HECW1: variants seen among roughly 807,000 people sequenced by gnomAD.
HECW1 encodes HECT, C2 and WW domain containing E3 ubiquitin protein ligase 1.
A neutral mutation model predicts 182.3 loss-of-function variants in HECW1; 61 were observed. That is an observed-to-expected ratio of 0.33 (90% CI 0.27 to 0.41). The LOEUF is 0.41. Ranked by LOEUF, HECW1 falls within the 10% of genes least tolerant of loss-of-function variation. The pLI, the probability that HECW1 is intolerant of heterozygous loss-of-function variation, is 1.00. For missense variants in HECW1, 1,739 were observed against 2,108.9 expected, an observed-to-expected ratio of 0.82 and a Z score of 3.44; for synonymous variants, 859 against 832.6, an observed-to-expected ratio of 1.03 and a Z score of -0.55.
At chr7:43,319,393 C>CAAAAAAAAA (rs529109893) in intron 4 of HECW1, among the ~76,000 whole-genome samples, 7 of 67,696 alleles carry the variant, frequency 1.0e-4, no homozygotes, top group African/African-American at 2.9e-4. Context: ...GACTCCGTCT[C>CAAAAAAAAA]AAAAAAAAAA....
intron 13 of HECW1, among the ~76,000 whole-genome samples, chr7:43,457,544 G>A (rs1340263010): frequency 4.6e-5 from 7 of 152,096 alleles, no homozygotes; most frequent in African/African-American, 1.2e-4. Context: ...AGGCTGAGGC[G>A]GGTGGATCAT....
chr7:43,468,438 C>T (rs751186240), intron 15 of HECW1, among the ~76,000 whole-genome samples: 1 of 151,970 alleles, frequency 6.6e-6, no homozygotes, highest in Admixed American at 6.5e-5. Flanking sequence ...AGAGGTGGGC[C>T]GTGTCCCAAG....
At chr7:43,170,029 G>A (rs1045078512) in intron 2 of HECW1, among the ~76,000 whole-genome samples, 3 of 152,152 alleles carry the variant, frequency 2.0e-5, no homozygotes, top group South Asian at 2.1e-4. Context: ...CCCAACCCCC[G>A]GGCCATGGGG....
At chr7:43,312,607 T>C (rs995238633) in intron 4 of HECW1, among the ~76,000 whole-genome samples, 1 of 152,220 alleles carries the variant, frequency 6.6e-6, no homozygotes, top group Non-Finnish European at 1.5e-5. Flanking sequence ...TAGGTGGAGA[T>C]TTATTCAAAA....
chr7:43,146,041 G>A (rs780706096), intron 2 of HECW1, among the ~76,000 whole-genome samples: 6 of 152,270 alleles, frequency 3.9e-5, no homozygotes, highest in East Asian at 1.9e-4. Flanking sequence ...CCACTACCCC[G>A]TGTCTCCTCT....
rs527478274 is a variant in HECW1, at chr7:43,533,068, G to A, written c.4020-8095G>A. Among the ~76,000 whole-genome samples, 34 of 152,176 alleles carry A rather than the reference G, an allele frequency of 2.2e-4. No homozygotes were observed. In the East Asian group the frequency reaches 2.7e-3, roughly 12 times the overall value. On this transcript the variant is annotated intron_variant, in intron 24 of 29. Transcript: ENST00000395891. ...TGATTTTGCACCATCACTCTCCACC[G>A]CCAGTGGACACTGGCAATGTCAGGA...
intron 2 of HECW1, among the ~76,000 whole-genome samples, chr7:43,200,154 T>C (rs371557446): frequency 1.1e-3 from 161 of 152,348 alleles, no homozygotes; most frequent in Non-Finnish European, 2.0e-3. Context: ...CGGATTTGAT[T>C]GGCCCAAATT....
At chr7:43,520,844 A>G (rs761926258) in intron 24 of HECW1, among the ~76,000 whole-genome samples, 1 of 152,022 alleles carries the variant, frequency 6.6e-6, no homozygotes, top group Non-Finnish European at 1.5e-5. Flanking sequence ...GCTCTAATCT[A>G]CTGTCTGCGT....
chr7:43,308,077 A>ATT (rs1554349859), intron 3 of HECW1, among the ~76,000 whole-genome samples: 1 of 107,812 alleles, frequency 9.3e-6, no homozygotes, highest in African/African-American at 3.9e-5. Context: ...ATATAAATAT[A>ATT]ATATATTATA....
chr7:43,361,389 TAATG>T (rs1292515927), intron 6 of HECW1, among the ~76,000 whole-genome samples: 1 of 152,194 alleles, frequency 6.6e-6, no homozygotes. Context: ...GTAAATAAAT[TAATG>T]GAGTAGGATT....
At chr7:43,437,922 C>T (rs778132735) in intron 8 of HECW1, 81 bp from the exon 9 acceptor site, 22 of 1,398,112 alleles carry the variant, frequency 1.6e-5, no homozygotes, top group Non-Finnish European at 2.0e-5. Flanking sequence ...TTTACAGTGA[C>T]AGCATCAAGG....
chr7:43,258,367 A>AAAAAAAAT (rs1427834729), intron 3 of HECW1, among the ~76,000 whole-genome samples: 71 of 63,452 alleles, frequency 1.1e-3, no homozygotes, highest in Non-Finnish European at 1.4e-3. Context: ...TAAAAAAAAT[A>AAAAAAAAT]AAAAAATAAA....
At chr7:43,271,099 A>G (rs912364153) in intron 3 of HECW1, among the ~76,000 whole-genome samples, 1 of 152,230 alleles carries the variant, frequency 6.6e-6, no homozygotes, top group African/African-American at 2.4e-5. Context: ...AATTTGATGT[A>G]CATGTGTTGT....
chr7:43,431,356 C>T (rs960951251), intron 8 of HECW1, among the ~76,000 whole-genome samples: 2 of 152,182 alleles, frequency 1.3e-5, no homozygotes, highest in African/African-American at 2.4e-5. Flanking sequence ...TCTCTGCATT[C>T]CTAGCTATGT....
intron 3 of HECW1, among the ~76,000 whole-genome samples, chr7:43,263,742 CA>C (rs1801440113): frequency 6.6e-6 from 1 of 151,290 alleles, no homozygotes; most frequent in African/African-American, 2.4e-5. Context: ...GGGAAGGAGA[CA>C]AAAGGAAGGG....
At chr7:43,219,104 T>A (rs1040731066) in intron 2 of HECW1, among the ~76,000 whole-genome samples, 2 of 152,150 alleles carry the variant, frequency 1.3e-5, no homozygotes, top group African/African-American at 4.8e-5. Flanking sequence ...CACTCTAGCC[T>A]TTTAGTATGC....
intron 9 of HECW1, 185 bp downstream of exon 9, chr7:43,438,330 C>A: frequency 2.0e-6 from 1 of 494,624 alleles, no homozygotes; most frequent in Non-Finnish European, 3.5e-6. Flanking sequence ...TTAAACAAAC[C>A]CATCCCTTTT....
At chr7:43,443,075 A>G (rs907829752) in intron 10 of HECW1, among the ~76,000 whole-genome samples, 1 of 152,282 alleles carries the variant, frequency 6.6e-6, no homozygotes, top group Admixed American at 6.5e-5. Context: ...TTATAATATC[A>G]CAGAAAAACA....
intron 24 of HECW1, among the ~76,000 whole-genome samples, chr7:43,537,526 G>A (rs899881141): frequency 6.6e-6 from 1 of 151,378 alleles, no homozygotes; most frequent in Non-Finnish European, 1.5e-5. Flanking sequence ...ATAAATAAAG[G>A]AGGTGCACCA....
Sources: gnomAD v4.1 joint callset for allele counts (sites outside exome capture counted in the v4.1 genomes callset) on GRCh38, gnomAD v4.1.1 for gene constraint, MANE v1.5 for transcripts, NCBI Gene and HGNC (gene_info 2026-07-23, HGNC 2026-07-21) for gene names.